Variants in SLC35B3 observed in about 807,000 individuals in gnomAD.
SLC35B3 encodes the protein solute carrier family 35 member B3.
In SLC35B3, 35 loss-of-function variants were observed where a neutral mutation model predicts 44.1. That is an observed-to-expected ratio of 0.79 (90% CI 0.61 to 1.05). SLC35B3 has a LOEUF of 1.05. Among genes scored for constraint, SLC35B3 ranks in the 50% least tolerant of loss-of-function variants. The pLI, the probability that SLC35B3 is intolerant of heterozygous loss-of-function variation, is 0.00. For synonymous variants in SLC35B3, 146 were observed against 167.3 expected (o/e 0.87, Z 0.98); for missense variants, 414 against 476.4 (o/e 0.87, Z 1.22).
Position 8,435,007 on chromosome 6 carries a change from G to T in SLC35B3, c.-44+336C>A. The T allele has an allele frequency of 1.1e-6, 1 of 934,708 alleles. No homozygotes were observed. Among genetic ancestry groups the T allele is most frequent in the Non-Finnish European group, 1.4e-6 (1 of 709,384 alleles). The allele number at this position is 934,708 out of a possible 1,614,324, so 57.9% of individuals were successfully genotyped here. On this transcript the variant is annotated intron_variant, in intron 1 of 10. Transcript: ENST00000644923. The surrounding 1 kb of genome is among the most constrained non-coding windows in gnomAD (Gnocchi z 5.5). ...AGTTAACTGTAAATACAGTCTAGAG[G>T]TATCCAGGTGACTGACAGTTCTCCA...
intron 2 of SLC35B3, among the ~76,000 whole-genome samples, chr6:8,431,224 T>A (rs1581272613): frequency 1.3e-5 from 2 of 152,190 alleles, no homozygotes; most frequent in African/African-American, 2.4e-5. Flanking sequence ...AGAATAAACC[T>A]ATGTAAAAGA....
rs1399889000 is a variant in SLC35B3 at position 8,432,891 on chromosome 6, A to C, written c.3+1494T>G. ...CCTGAGATCCAGAGCTCTACGTCTAAATGCTTCTTTGATACCTCTACTCAT... is the reference window on the plus strand; with the variant it reads ...CCTGAGATCCAGAGCTCTACGTCTACATGCTTCTTTGATACCTCTACTCAT... On this transcript the variant is annotated intron_variant, in intron 2 of 10. Coordinates refer to ENST00000644923, the MANE Select transcript of SLC35B3 (RefSeq NM_001370476.2). This position sits in a 1 kb window ranked among gnomAD's most constrained non-coding sequence, Gnocchi z 4.8. Among the ~76,000 whole-genome samples the C allele has an allele frequency of 6.6e-6, 1 of 152,100 alleles. No homozygotes were observed. Among genetic ancestry groups the C allele is most frequent in the Non-Finnish European group, 1.5e-5 (1 of 68,028 alleles).
rs911060301 is a variant in SLC35B3 at position 8,412,482 on chromosome 6, G to T, written c.*1067C>A. On this transcript the variant is annotated 3_prime_UTR_variant, in exon 11 of 11. Coordinates refer to ENST00000644923, the MANE Select transcript of SLC35B3 (RefSeq NM_001370476.2). Reference sequence around the variant, plus strand: ...CTTCAATTAAAAAAAATCCAATCATGATTCCTTTGGGATTACTTGGGCAAA... The same window carrying T: ...CTTCAATTAAAAAAAATCCAATCATTATTCCTTTGGGATTACTTGGGCAAA... Among the ~76,000 whole-genome samples the T allele has an allele frequency of 2.0e-5, 3 of 151,986 alleles. No homozygotes were observed. The highest frequency in any genetic ancestry group is 7.2e-5 in the African/African-American group (3 of 41,388).
At chr6:8,417,254 C>T (rs945314241) in intron 8 of SLC35B3, 148 bp downstream of exon 7, 1 of 630,864 alleles carries the variant, frequency 1.6e-6, no homozygotes, top group African/African-American at 1.9e-5. Flanking sequence ...TCAGTCATTT[C>T]ATTTCTGAAA....
At position 8,430,124 on chromosome 6, in the gene SLC35B3, T is replaced by C. The variant is rs1452223676; in HGVS notation, c.37A>G (p.Ile13Val). 7.5e-6 allele frequency: 12 copies of C among 1,601,682 alleles called. No individual in the cohort carries two copies. The highest frequency in any genetic ancestry group is 5.4e-5 in the African/African-American group (4 of 74,396). The change falls in exon 3 of 11, where the codon ATA becomes GTA. Residue 13 changes from isoleucine to valine, a missense_variant. Ile to Val is a conservative substitution (Grantham distance 29, BLOSUM62 3). Transcript: ENST00000644923. ...TTTTTGTTGGTTTCCTGGACTGTTA[T>C]GTTCTGTATGTCTTTTGCTTGCTGT...
rs1286065173 is a variant in SLC35B3, at chr6:8,434,096, T to C, written c.3+289A>G. Among the ~76,000 whole-genome samples the C allele has an allele frequency of 6.6e-6, 1 of 151,566 alleles. No individual in the cohort carries two copies. The highest frequency in any genetic ancestry group is 1.5e-5 in the Non-Finnish European group (1 of 67,946). On this transcript the variant is annotated intron_variant, in intron 2 of 10. Transcript: ENST00000644923. The surrounding 1 kb of genome is among the most constrained non-coding windows in gnomAD (Gnocchi z 6.3). The stretch of plus-strand genomic sequence containing the variant: ...TAATTGCCTGAGGCCTCTTCCTAAA[T>C]TCAACACAGATATTCAACTTCAACT...
chr6:8,419,731 TGAACTATAATCAAGCTTTATCA>T lies in SLC35B3; in HGVS notation c.683-76_683-55del. 1 of 987,674 alleles carries T rather than the reference TGAACTATAATCAAGCTTTATCA, an allele frequency of 1.0e-6. No homozygotes were observed. Among genetic ancestry groups the T allele is most frequent in the Non-Finnish European group, 1.5e-6 (1 of 683,740 alleles). 61.2% of individuals were successfully genotyped at this position (987,674 alleles called of 1,614,324 possible). On this transcript the variant is annotated intron_variant, in intron 6 of 10. Transcript: ENST00000644923. This position sits in a 1 kb window ranked among gnomAD's most constrained non-coding sequence, Gnocchi z 4.3. ...AAAAAACCCTCCTTATTTAAACATA[TGAACTATAATCAAGCTTTATCA>T]GAAATTTCATTGGTCTAAAAAACAA... is the stretch of plus-strand genomic sequence containing the variant.
chr6:8,427,707 A>G (rs1263732828), intron 4 of SLC35B3, among the ~76,000 whole-genome samples: 1 of 152,222 alleles, frequency 6.6e-6, no homozygotes, highest in Non-Finnish European at 1.5e-5. Context: ...AACATATAAC[A>G]CTAAGTTGAG....
Position 8,432,836 on chromosome 6 carries a change from C to A in SLC35B3, c.3+1549G>T, listed in dbSNP as rs1263275022. ...CCCCTTTGATGTGCAGCTGGAAATA[C>A]AGACCTGAATTTCCAACGCTGCCTT... On this transcript the variant is annotated intron_variant, in intron 2 of 10. Coordinates refer to ENST00000644923, the MANE Select transcript of SLC35B3 (RefSeq NM_001370476.2). The surrounding 1 kb of genome is among the most constrained non-coding windows in gnomAD (Gnocchi z 4.8). Among the ~76,000 whole-genome samples, 1 of 152,156 alleles carries A rather than the reference C, an allele frequency of 6.6e-6. No homozygotes were observed. The highest frequency in any genetic ancestry group is 2.4e-5 in the African/African-American group (1 of 41,436).
rs143492317 is a variant in SLC35B3 at position 8,421,550 on chromosome 6, A to G, written c.575-722T>C. On this transcript the variant is annotated intron_variant, in intron 5 of 10. Transcript: ENST00000644923. The stretch of plus-strand genomic sequence containing the variant: ...TGATATCAGGCTGTATAAGAACTTC[A>G]GTGATACAGAAACACCCGACTATTA... Among the ~76,000 whole-genome samples, 180 of 152,350 alleles carry G rather than the reference A, an allele frequency of 1.2e-3. 1 individual carries two copies. Among genetic ancestry groups the G allele is most frequent in the Admixed American group, 3.1e-3 (47 of 15,300 alleles).
intron 9 of SLC35B3, among the ~76,000 whole-genome samples, chr6:8,416,596 G>A (rs1264813142): frequency 2.0e-5 from 3 of 152,098 alleles, no homozygotes; most frequent in Non-Finnish European, 2.9e-5. Context: ...TTTGGAGGTC[G>A]TCATCTCATC....
chr6:8,433,157 A>C lies in SLC35B3; in HGVS notation c.3+1228T>G, dbSNP rs548925755. ...TAATATCTGTTTCGGACCCTACTCC[A>C]TCAGGCAGCCATTTTCTCTTGCCTA... On this transcript the variant is annotated intron_variant, in intron 2 of 10. Transcript: ENST00000644923. This position sits in a 1 kb window ranked among gnomAD's most constrained non-coding sequence, Gnocchi z 4.1. 6.6e-6 allele frequency among the ~76,000 whole-genome samples: 1 copy of C among 152,278 alleles called. No homozygotes were observed. Among genetic ancestry groups the C allele is most frequent in the East Asian group, 1.9e-4 (1 of 5,164 alleles).
rs951065823 is a variant in SLC35B3 at position 8,420,807 on chromosome 6, T to C, written c.596A>G (p.Asp199Gly). ...GCTCATACATATGGCAGCAGACACA[T>C]CTGCAACATTATAACGCTTTCCTGT... The change falls in exon 6 of 11, where the codon GAT becomes GGT. Residue 199 changes from aspartate (D) to glycine (G), a missense_variant. Physicochemically the swap from Asp to Gly is moderately conservative, Grantham distance 94. Coordinates refer to ENST00000644923, the MANE Select transcript of SLC35B3 (RefSeq NM_001370476.2). The surrounding 1 kb of genome is among the most constrained non-coding windows in gnomAD (Gnocchi z 4.4). 6 of 1,612,054 alleles carry C rather than the reference T, an allele frequency of 3.7e-6. No individual in the cohort carries two copies. Among genetic ancestry groups the C allele is most frequent in the Non-Finnish European group, 5.1e-6 (6 of 1,178,582 alleles).
chr6:8,434,486 C>G lies in SLC35B3; in HGVS notation c.-43-56G>C. The G allele has an allele frequency of 1.4e-6, 2 of 1,460,378 alleles. No individual in the cohort carries two copies. Among genetic ancestry groups the G allele is most frequent in the South Asian group, 2.4e-5 (2 of 83,772 alleles). The allele number at this position is 1,460,378 out of a possible 1,614,324, so 90.5% of individuals were successfully genotyped here. A position where few individuals can be genotyped will look rare whatever the true frequency, so the allele number is the denominator to read the frequency against. ...CAAAGTTCCATCTCATTTCTTTGTA[C>G]ACACATCATTACACAAAGGTGGAGA... is the stretch of plus-strand genomic sequence containing the variant. On this transcript the variant is annotated intron_variant, in intron 1 of 10. Transcript: ENST00000644923. The surrounding 1 kb of genome is among the most constrained non-coding windows in gnomAD (Gnocchi z 6.3).
chr6:8,423,095 C>A (rs542130714), intron 4 of SLC35B3, among the ~76,000 whole-genome samples: 1 of 152,168 alleles, frequency 6.6e-6, no homozygotes. Context: ...TCAAGAAATT[C>A]TTTTGCCTCA....
At chr6:8,413,832 C>T (rs997216799) in intron 10 of SLC35B3, 133 bp from the exon 10 acceptor site, 2 of 548,106 alleles carry the variant, frequency 3.6e-6, no homozygotes, top group Admixed American at 3.5e-5. Flanking sequence ...ACAATAATAG[C>T]ATTAAAATAA....
Position 8,422,572 on chromosome 6 carries a change from C to G in SLC35B3, c.472G>C (p.Gly158Arg), listed in dbSNP as rs1328296423. Residue 158 changes from glycine to arginine, a missense_variant, in exon 5 of 11, where the codon GGG becomes CGG. Physicochemically the swap from Gly to Arg is moderately radical, Grantham distance 125. Transcript: ENST00000644923. ...TAGCCCAAGGAAGTGTTTGATAACCCCATAGTACCCACAGTTAGAAAAGCT... is the reference window on the plus strand; with the variant it reads ...TAGCCCAAGGAAGTGTTTGATAACCGCATAGTACCCACAGTTAGAAAAGCT... 3 of 1,613,148 alleles carry G rather than the reference C, an allele frequency of 1.9e-6. No individual in the cohort carries two copies. Among genetic ancestry groups the G allele is most frequent in the Admixed American group, 3.3e-5 (2 of 59,950 alleles).
intron 4 of SLC35B3, among the ~76,000 whole-genome samples, chr6:8,425,091 ATTATT>A (rs1226615817): frequency 1.3e-5 from 2 of 152,230 alleles, no homozygotes; most frequent in Non-Finnish European, 2.9e-5. Context: ...TCAAGTACAA[ATTATT>A]TTATTTTAAA....
intron 4 of SLC35B3, among the ~76,000 whole-genome samples, chr6:8,427,598 ACT>A (rs1401089326): frequency 2.6e-5 from 4 of 152,218 alleles, no homozygotes; most frequent in Admixed American, 6.5e-5. Flanking sequence ...TCATTTCACC[ACT>A]GTGATGTTAG....
Sources: allele counts gnomAD v4.1 joint callset (sites outside exome capture counted in the v4.1 genomes callset), GRCh38; gene constraint gnomAD v4.1.1; non-coding constraint Gnocchi (gnomAD v3.1); transcripts MANE v1.5; gene names NCBI Gene and HGNC (gene_info 2026-07-23, HGNC 2026-07-21).